PDE4C: variants seen among roughly 807,000 people sequenced by gnomAD.
PDE4C encodes the protein 3',5'-cyclic-AMP phosphodiesterase 4C.
PDE4C carries 50 observed loss-of-function variants against 63.9 expected under a neutral mutation model. The ratio of observed to expected loss-of-function variants is 0.78; its 90% CI spans 0.62 to 0.99. PDE4C has a LOEUF of 0.99. Ranked by LOEUF, PDE4C falls within the 50% of genes least tolerant of loss-of-function variation. The probability of loss-of-function intolerance (pLI) is 0.00; values close to 1 mark genes in which losing one functional copy is unlikely to be tolerated. For synonymous variants in PDE4C, 377 were observed against 385.1 expected (o/e 0.98, Z 0.25); for missense variants, 777 against 899.1 (o/e 0.86, Z 1.74).
At chr19:18,246,746 G>A (rs149983855) in intron 1 of PDE4C, among the ~76,000 whole-genome samples, 3,004 of 152,136 alleles carry the variant, frequency 0.02, 106 homozygotes, top group African/African-American at 0.069. Context: ...TGGCCAACAT[G>A]GAGAAACCCG....
intron 1 of PDE4C, among the ~76,000 whole-genome samples, chr19:18,246,010 AT>A (rs752230825): frequency 3.9e-3 from 499 of 127,578 alleles, no homozygotes; most frequent in Middle Eastern, 0.012. Context: ...TGCCCAGCTA[AT>A]TTTTTTTTTT....
At chr19:18,223,549 T>C (rs993340063) in intron 1 of PDE4C, among the ~76,000 whole-genome samples, 3 of 152,102 alleles carry the variant, frequency 2.0e-5, no homozygotes, top group African/African-American at 7.2e-5. Flanking sequence ...TTTCACCGTG[T>C]TGGCCAGGCT....
At chr19:18,252,338 G>T, upstream of PDE4C, 1 of 399,140 alleles carries the variant, frequency 2.5e-6, no homozygotes, top group Non-Finnish European at 4.4e-6. Flanking sequence ...GGGTTATGGA[G>T]TCTGTCTCCA....
chr19:18,218,184 T>C (rs1968285261), exon 11 of PDE4C: 1 of 1,614,170 alleles, frequency 6.2e-7, no homozygotes, highest in East Asian at 2.2e-5. Flanking sequence ...GACCCCAGGA[T>C]GGTCCACGTC....
At chr19:18,246,546 T>C (rs186912490) in intron 1 of PDE4C, among the ~76,000 whole-genome samples, 97 of 152,228 alleles carry the variant, frequency 6.4e-4, no homozygotes, top group African/African-American at 2.2e-3. Flanking sequence ...TTAAGGCATA[T>C]GCAGCTACGC....
chr19:18,242,276 G>C (rs1969054781), intron 1 of PDE4C, among the ~76,000 whole-genome samples: 1 of 151,802 alleles, frequency 6.6e-6, no homozygotes, highest in South Asian at 2.1e-4. Flanking sequence ...AGTAATTCAA[G>C]ACCAGCCTGG....
At chr19:18,248,155 C>A (rs527411944) in intron 1 of PDE4C, 74 of 456,256 alleles carry the variant, frequency 1.6e-4, no homozygotes, top group South Asian at 1.1e-3. Flanking sequence ...GAGGCCCAGG[C>A]ATGTCTGGCA....
At chr19:18,221,408 T>G (rs1296629915) in intron 2 of PDE4C, 111 bp from the exon 3 acceptor site, 1 of 1,104,044 alleles carries the variant, frequency 9.1e-7, no homozygotes, top group African/African-American at 1.6e-5. Context: ...TCCTCCAGGC[T>G]CCTTCTTAGT....
At chr19:18,234,216 A>C, upstream of PDE4C, 1 of 152,458 alleles carries the variant, frequency 6.6e-6, no homozygotes, top group Non-Finnish European at 1.5e-5. Flanking sequence ...CAGAAAACCC[A>C]CCTTTTGTGG....
chr19:18,248,526 G>A (rs1168887013), upstream of PDE4C, among the ~76,000 whole-genome samples: 3 of 152,148 alleles, frequency 2.0e-5, no homozygotes, highest in South Asian at 4.1e-4. Flanking sequence ...AATTGTTCAT[G>A]TGTTTGCATA....
chr19:18,228,856 T>A (rs1968793572), upstream of PDE4C, among the ~76,000 whole-genome samples: 1 of 152,222 alleles, frequency 6.6e-6, no homozygotes, highest in South Asian at 2.1e-4. Flanking sequence ...CCTGACTCCA[T>A]CCCTGCATTA....
At chr19:18,232,130 T>A (rs1968860177) in intron 1 of PDE4C, among the ~76,000 whole-genome samples, 1 of 152,058 alleles carries the variant, frequency 6.6e-6, no homozygotes, top group Non-Finnish European at 1.5e-5. Flanking sequence ...TTTGAGAGAC[T>A]AAGGCGGGAG....
At chr19:18,214,470 G>C (rs1273987660) in intron 12 of PDE4C, among the ~76,000 whole-genome samples, 1 of 151,976 alleles carries the variant, frequency 6.6e-6, no homozygotes, top group Non-Finnish European at 1.5e-5. Flanking sequence ...GAGCTCAAGA[G>C]AAAGGGAGGT....
Position 18,216,738 on chromosome 19 carries a change from C to T in PDE4C, c.1389+3G>A, listed in dbSNP as rs753540730. On this transcript the variant is annotated splice_donor_region_variant and intron_variant, in intron 12 of 14. Transcript: ENST00000262805. ...CCCGCCCCGCTTACTGCCCTGGCCT[C>T]ACCATGTCAATGACCATCCTGCGCA... 2.5e-6 allele frequency: 4 copies of T among 1,602,678 alleles called. No homozygotes were observed. The highest frequency in any genetic ancestry group is 3.4e-6 in the Non-Finnish European group (4 of 1,172,916).
exon 8 of PDE4C, chr19:18,219,384 C>T (rs758871378): frequency 6.2e-7 from 1 of 1,605,978 alleles, no homozygotes; most frequent in Non-Finnish European, 8.5e-7. Context: ...GCAGCTCCAC[C>T]TCGGTCTGCT....
At chr19:18,237,474 C>T (rs927588441), upstream of PDE4C, among the ~76,000 whole-genome samples, 2 of 152,050 alleles carry the variant, frequency 1.3e-5, no homozygotes, top group African/African-American at 2.4e-5. Flanking sequence ...TCGCTTGAAC[C>T]TGGGAGGCGG....
At chr19:18,210,802 G>A (rs1967887196) in exon 15 of PDE4C, 2 of 1,454,190 alleles carry the variant, frequency 1.4e-6, no homozygotes, top group South Asian at 1.5e-5. Flanking sequence ...CTAAGAGCTT[G>A]ATTGTCTCCC....
At chr19:18,232,572 A>G (rs1938162190) in intron 1 of PDE4C, among the ~76,000 whole-genome samples, 1 of 152,008 alleles carries the variant, frequency 6.6e-6, no homozygotes, top group African/African-American at 2.4e-5. Flanking sequence ...ACATACCTAC[A>G]GGCACCACAA....
At chr19:18,255,129 G>A in the PDE4C span, 1 of 396,428 alleles carries the variant, frequency 2.5e-6, no homozygotes, top group Non-Finnish European at 4.4e-6. This position sits in a 1 kb window ranked among gnomAD's most constrained non-coding sequence, Gnocchi z 4.6. Context: ...CCTGAGGGAG[G>A]GGTCCAGAAG....
Sources: gnomAD v4.1 joint callset for allele counts (sites outside exome capture counted in the v4.1 genomes callset) on GRCh38, gnomAD v4.1.1 for gene constraint, Gnocchi (gnomAD v3.1) non-coding constraint, MANE v1.5 for transcripts, NCBI Gene and HGNC (gene_info 2026-07-23, HGNC 2026-07-21) for gene names.